DTWD2: variants seen among roughly 807,000 people sequenced by gnomAD.
DTWD2 encodes the protein tRNA-uridine aminocarboxypropyltransferase 2.
A neutral mutation model predicts 31.8 loss-of-function variants in DTWD2; 39 were observed. The ratio of observed to expected loss-of-function variants is 1.22; its 90% CI spans 0.95 to 1.60. The LOEUF (loss-of-function observed/expected upper bound fraction) is 1.60, where lower values mean the gene tolerates loss of function less well. Ranked by LOEUF, DTWD2 falls within the 40% of genes most tolerant of loss-of-function variation. DTWD2 has a pLI of 0.00. For synonymous variants in DTWD2, 180 were observed against 142.8 expected (o/e 1.26, Z -1.86); for missense variants, 515 against 381.5 (o/e 1.35, Z -2.92).
chr5:118,934,956 G>C (rs1258426304), intron 3 of DTWD2, among the ~76,000 whole-genome samples: 1 of 152,096 alleles, frequency 6.6e-6, no homozygotes, highest in Non-Finnish European at 1.5e-5. Flanking sequence ...AAAATCCTTA[G>C]AATCTTCAAA....
chr5:118,836,668 C>T lies in DTWD2; in HGVS notation c.*4249G>A, dbSNP rs757553729. ...ACTCACAGGTTGAAACCTTAATTCC[C>T]GAGGTATAGTATTAGGAAGTGGAAC... On this transcript the variant is annotated 3_prime_UTR_variant, in exon 6 of 6. Transcript: ENST00000510708. Among the ~76,000 whole-genome samples the T allele has an allele frequency of 1.3e-5, 2 of 152,116 alleles. No homozygotes were observed. Among genetic ancestry groups the T allele is most frequent in the Admixed American group, 6.5e-5 (1 of 15,268 alleles).
At position 118,836,698 on chromosome 5, in the gene DTWD2, G is replaced by C. The variant is rs1189843348; in HGVS notation, c.*4219C>G. Among the ~76,000 whole-genome samples the C allele has an allele frequency of 6.6e-6, 1 of 152,224 alleles. No individual in the cohort carries two copies. Among genetic ancestry groups the C allele is most frequent in the Middle Eastern group, 3.4e-3 (1 of 294 alleles). The stretch of plus-strand genomic sequence containing the variant: ...TATAGTATTAGGAAGTGGAACCTTT[G>C]GGGGATGATTAGGTCATAAGGGTCT... On this transcript the variant is annotated 3_prime_UTR_variant, in exon 6 of 6. Coordinates refer to ENST00000510708, the MANE Select transcript of DTWD2 (RefSeq NM_173666.4).
intron 1 of DTWD2, among the ~76,000 whole-genome samples, chr5:118,967,356 A>G (rs1448349161): frequency 6.6e-6 from 1 of 152,226 alleles, no homozygotes; most frequent in East Asian, 1.9e-4. Flanking sequence ...CTGTCCACTA[A>G]TAAGATAAAC....
chr5:118,954,513 A>C (rs1206408761), intron 1 of DTWD2, among the ~76,000 whole-genome samples: 1 of 151,548 alleles, frequency 6.6e-6, no homozygotes, highest in African/African-American at 2.4e-5. Flanking sequence ...TGAATACATA[A>C]AGGATTTTTT....
chr5:118,843,370 G>GAA (rs1236883686), intron 5 of DTWD2, among the ~76,000 whole-genome samples: 15 of 151,356 alleles, frequency 9.9e-5, no homozygotes, highest in African/African-American at 3.7e-4. Flanking sequence ...AGGGAGGAAG[G>GAA]GAGGAAGGAA....
rs1754120223 is a variant in DTWD2 at position 118,939,185 on chromosome 5, A to T, written c.404+11T>A. Reference sequence around the variant, plus strand: ...AAAGAATTATTTACATTGCCCTAACAGTTAATTTACCTTTCTTCACTGAAG... The same window carrying T: ...AAAGAATTATTTACATTGCCCTAACTGTTAATTTACCTTTCTTCACTGAAG... On this transcript the variant is annotated intron_variant, in intron 3 of 5. Coordinates refer to ENST00000510708, the MANE Select transcript of DTWD2 (RefSeq NM_173666.4). 1 of 1,595,436 alleles carries T rather than the reference A, an allele frequency of 6.3e-7. No individual in the cohort carries two copies. The highest frequency in any genetic ancestry group is 8.5e-7 in the Non-Finnish European group (1 of 1,171,862).
intron 5 of DTWD2, among the ~76,000 whole-genome samples, chr5:118,843,501 G>A (rs1286057576): frequency 6.6e-6 from 1 of 152,170 alleles, no homozygotes. Context: ...GAGAGGGAAT[G>A]CTAAAATAAC....
At chr5:118,963,397 A>C (rs1240428240) in intron 1 of DTWD2, among the ~76,000 whole-genome samples, 1 of 152,134 alleles carries the variant, frequency 6.6e-6, no homozygotes, top group Non-Finnish European at 1.5e-5. Flanking sequence ...ATTAAAAAGC[A>C]CCTGTTTTGG....
Position 118,980,760 on chromosome 5 carries a change from G to T in DTWD2, c.218+7534C>A, listed in dbSNP as rs116357376. On this transcript the variant is annotated intron_variant, in intron 1 of 5. Transcript: ENST00000510708. ...AAATAGCTTGACAATTCCTCAAAAA[G>T]TTAAACATAAAACCATATGACCCAG... is the stretch of plus-strand genomic sequence containing the variant. 7.4e-3 allele frequency among the ~76,000 whole-genome samples: 1,126 copies of T among 152,212 alleles called. 19 individuals carry two copies. The highest frequency in any genetic ancestry group is 0.026 in the African/African-American group (1,064 of 41,534).
chr5:118,950,021 T>C (rs113834519), intron 1 of DTWD2, among the ~76,000 whole-genome samples: 5 of 152,000 alleles, frequency 3.3e-5, no homozygotes, highest in Admixed American at 2.6e-4. Flanking sequence ...CCATCCTGGC[T>C]AACATGGTGA....
intron 4 of DTWD2, among the ~76,000 whole-genome samples, chr5:118,864,281 CA>C (rs1305014415): frequency 4.1e-5 from 6 of 148,094 alleles, no homozygotes; most frequent in African/African-American, 1.5e-4. Context: ...ATTGCAAGGA[CA>C]AAAAACCAAA....
intron 5 of DTWD2, among the ~76,000 whole-genome samples, chr5:118,845,480 G>A (rs939912704): frequency 2.6e-5 from 4 of 152,170 alleles, no homozygotes; most frequent in African/African-American, 9.7e-5. Flanking sequence ...AATTGTGGCT[G>A]GAAGCAATTT....
At chr5:118,919,648 A>G (rs75995220) in intron 4 of DTWD2, among the ~76,000 whole-genome samples, 3,748 of 152,310 alleles carry the variant, frequency 0.025, 72 homozygotes, top group Non-Finnish European at 0.036. Context: ...TATCATATAT[A>G]AGGTTCATAA....
At chr5:118,869,979 TG>T (rs1752466822) in intron 4 of DTWD2, among the ~76,000 whole-genome samples, 1 of 152,112 alleles carries the variant, frequency 6.6e-6, no homozygotes, top group Non-Finnish European at 1.5e-5. Context: ...CAAGAGCTGG[TG>T]GTTTAAAAGG....
intron 3 of DTWD2, among the ~76,000 whole-genome samples, chr5:118,932,030 G>A (rs542207196): frequency 2.6e-5 from 4 of 152,152 alleles, no homozygotes; most frequent in South Asian, 2.1e-4. Context: ...TGAACTAAAC[G>A]AAAATGAAAA....
At chr5:118,947,435 C>T (rs367910217) in intron 1 of DTWD2, among the ~76,000 whole-genome samples, 8 of 152,110 alleles carry the variant, frequency 5.3e-5, no homozygotes, top group Non-Finnish European at 8.8e-5. Flanking sequence ...CCCTGGATTC[C>T]GACTGTCCCG....
intron 4 of DTWD2, among the ~76,000 whole-genome samples, chr5:118,923,814 G>A (rs1753754901): frequency 1.3e-5 from 2 of 152,280 alleles, no homozygotes; most frequent in South Asian, 4.1e-4. Flanking sequence ...TGGTAACTCA[G>A]GGTAACTCGG....
chr5:118,962,113 C>G (rs554070615), intron 1 of DTWD2, among the ~76,000 whole-genome samples: 6 of 152,004 alleles, frequency 3.9e-5, no homozygotes, highest in Non-Finnish European at 1.5e-5. Context: ...TGGTGCATGC[C>G]TGTAATCCCA....
intron 4 of DTWD2, among the ~76,000 whole-genome samples, chr5:118,889,482 A>G (rs957097698): frequency 7.2e-5 from 11 of 152,192 alleles, no homozygotes; most frequent in African/African-American, 2.7e-4. Context: ...TTATAAATTG[A>G]AAAAAGCAAA....
Sources: allele counts gnomAD v4.1 joint callset (sites outside exome capture counted in the v4.1 genomes callset), GRCh38; gene constraint gnomAD v4.1.1; transcripts MANE v1.5; gene names NCBI Gene and HGNC (gene_info 2026-07-23, HGNC 2026-07-21).